GLYATL2: variants seen among roughly 807,000 people sequenced by gnomAD.
The protein encoded by GLYATL2 is glycine N-acyltransferase-like protein 2.
GLYATL2 carries 25 observed loss-of-function variants against 21.4 expected under a neutral mutation model. The ratio of observed to expected loss-of-function variants is 1.17; its 90% CI spans 0.85 to 1.63. GLYATL2 has a LOEUF of 1.63. GLYATL2 is among the 40% of genes most tolerant of loss of function. The pLI, the probability that GLYATL2 is intolerant of heterozygous loss-of-function variation, is 0.00. For synonymous variants in GLYATL2, 114 were observed against 118.2 expected, an observed-to-expected ratio of 0.96 and a Z score of 0.23; for missense variants, 361 against 343.3, an observed-to-expected ratio of 1.05 and a Z score of -0.41.
chr11:58,887,199 G>T (rs575581031), intron 1 of GLYATL2, among the ~76,000 whole-genome samples: 1 of 152,102 alleles, frequency 6.6e-6, no homozygotes, highest in African/African-American at 2.4e-5. Context: ...TATAAAGTTA[G>T]TCAATAAACA....
chr11:58,903,719 A>G (rs534756034), intron 1 of GLYATL2, among the ~76,000 whole-genome samples: 3 of 152,302 alleles, frequency 2.0e-5, no homozygotes, highest in Admixed American at 1.3e-4. Context: ...TTAATGGCCA[A>G]CATTACCATC....
chr11:58,873,244 G>GACT (rs1854159330), intron 1 of GLYATL2, among the ~76,000 whole-genome samples: 1 of 151,590 alleles, frequency 6.6e-6, no homozygotes, highest in African/African-American at 2.4e-5. Flanking sequence ...GGGACAATTT[G>GACT]ACTTCCTCTT....
At chr11:58,876,340 C>T (rs183919297) in intron 1 of GLYATL2, among the ~76,000 whole-genome samples, 6 of 152,310 alleles carry the variant, frequency 3.9e-5, no homozygotes, top group African/African-American at 1.2e-4. Context: ...TGAGGAGCTG[C>T]GTTCCTTTGG....
At chr11:58,873,401 A>T (rs1418450398) in intron 1 of GLYATL2, among the ~76,000 whole-genome samples, 2 of 152,208 alleles carry the variant, frequency 1.3e-5, no homozygotes, top group African/African-American at 4.8e-5. Context: ...TTGTCCTTTC[A>T]GTATGATATT....
intron 3 of GLYATL2, 133 bp from the exon 4 acceptor site, chr11:58,837,530 T>C (rs1279716361): frequency 2.9e-5 from 23 of 799,424 alleles, no homozygotes; most frequent in Non-Finnish European, 4.2e-5. Flanking sequence ...AAAATGGCCT[T>C]GGAGTCACTT....
chr11:58,885,905 G>T (rs1293555524), intron 1 of GLYATL2, among the ~76,000 whole-genome samples: 2 of 152,140 alleles, frequency 1.3e-5, no homozygotes, highest in Non-Finnish European at 2.9e-5. Context: ...AACCAAGGCA[G>T]ATGTCTACCA....
At chr11:58,869,532 G>A (rs755933628) in intron 1 of GLYATL2, among the ~76,000 whole-genome samples, 4 of 152,168 alleles carry the variant, frequency 2.6e-5, no homozygotes, top group Non-Finnish European at 5.9e-5. Flanking sequence ...TTTCAGACTG[G>A]TGAGACTGTA....
chr11:58,858,193 A>G (rs1853866341), intron 1 of GLYATL2, among the ~76,000 whole-genome samples: 1 of 152,110 alleles, frequency 6.6e-6, no homozygotes, highest in Admixed American at 6.6e-5. Flanking sequence ...GTGGGGGAAA[A>G]AAACTCCACA....
At chr11:58,881,549 A>G (rs1854334357) in intron 1 of GLYATL2, among the ~76,000 whole-genome samples, 3 of 152,120 alleles carry the variant, frequency 2.0e-5, no homozygotes, top group Admixed American at 1.3e-4. Context: ...GCCAACTCCT[A>G]TTCTAAGCTT....
chr11:58,907,672 A>G (rs887385840), upstream of GLYATL2: 2 of 196,598 alleles, frequency 1.0e-5, no homozygotes, highest in East Asian at 1.2e-4. Context: ...CGTTTTAAAT[A>G]CTTCCTGATT....
chr11:58,891,460 A>T (rs934717547), intron 1 of GLYATL2, among the ~76,000 whole-genome samples: 3 of 152,200 alleles, frequency 2.0e-5, no homozygotes, highest in Non-Finnish European at 4.4e-5. Flanking sequence ...GTAGGCTGAT[A>T]TCCTGTAGCC....
At chr11:58,908,950 C>A (rs1202794323), upstream of GLYATL2, among the ~76,000 whole-genome samples, 1 of 152,182 alleles carries the variant, frequency 6.6e-6, no homozygotes, top group East Asian at 1.9e-4. Flanking sequence ...AAAAAAGAAA[C>A]TGAAGCTCAG....
At chr11:58,879,556 A>T (rs1854295116) in intron 1 of GLYATL2, among the ~76,000 whole-genome samples, 1 of 152,208 alleles carries the variant, frequency 6.6e-6, no homozygotes, top group African/African-American at 2.4e-5. Context: ...GTAATACAAC[A>T]TATGTGAAAT....
Position 58,865,994 on chromosome 11 carries a change from G to A in GLYATL2, n.61-27626C>T, listed in dbSNP as rs889927936. Among the ~76,000 whole-genome samples, 38 of 148,736 alleles carry A rather than the reference G, an allele frequency of 2.6e-4. 3 individuals are homozygous for A. The highest frequency in any genetic ancestry group is 9.0e-4 in the Admixed American group (13 of 14,430). ...AGCTTCAGAGCTTTAAAATGTTCTC[G>A]GATGCCCCCAGCCAAGAAAGCATGT... On this transcript the variant is annotated intron_variant and non_coding_transcript_variant, in intron 1 of 4. Coordinates refer to the GLYATL2 transcript ENST00000533636.
chr11:58,901,437 T>C lies in GLYATL2; in HGVS notation n.60+2719A>G, dbSNP rs76576639. Among the ~76,000 whole-genome samples the C allele has an allele frequency of 7.4e-4, 113 of 152,292 alleles. 2 individuals are homozygous for C. In the East Asian group the frequency reaches 0.018, roughly 25 times the overall value. ...ACCCCAGACCTATTGAACTTAAATATATTTGGGTTCCCAGAATCCCCATTA... is the reference window on the plus strand; with the variant it reads ...ACCCCAGACCTATTGAACTTAAATACATTTGGGTTCCCAGAATCCCCATTA... On this transcript the variant is annotated intron_variant and non_coding_transcript_variant, in intron 1 of 4. Coordinates refer to the GLYATL2 transcript ENST00000533636.
intron 1 of GLYATL2, among the ~76,000 whole-genome samples, chr11:58,880,147 C>T (rs899145759): frequency 2.0e-5 from 3 of 152,158 alleles, no homozygotes; most frequent in Admixed American, 6.5e-5. Context: ...CGTGAGCCAC[C>T]GTGCCCGGCC....
chr11:58,841,949 G>C (rs1347797776), intron 1 of GLYATL2, among the ~76,000 whole-genome samples: 1 of 152,172 alleles, frequency 6.6e-6, no homozygotes, highest in Non-Finnish European at 1.5e-5. Context: ...GCTTGACCAG[G>C]AAAGGAAGAA....
At chr11:58,864,634 C>A (rs1041387645) in intron 1 of GLYATL2, among the ~76,000 whole-genome samples, 4 of 149,318 alleles carry the variant, frequency 2.7e-5, no homozygotes, top group Admixed American at 1.4e-4. Flanking sequence ...TGGGGTGACA[C>A]AGGTAATGTA....
At chr11:58,886,802 C>T (rs1854449665) in intron 1 of GLYATL2, among the ~76,000 whole-genome samples, 1 of 152,120 alleles carries the variant, frequency 6.6e-6, no homozygotes, top group South Asian at 2.1e-4. Flanking sequence ...TGGGTATAGA[C>T]ACTGAGCCTC....
Sources: gnomAD v4.1 joint callset for allele counts (sites outside exome capture counted in the v4.1 genomes callset) on GRCh38, gnomAD v4.1.1 for gene constraint, MANE v1.5 for transcripts, NCBI Gene and HGNC (gene_info 2026-07-23, HGNC 2026-07-21) for gene names.